The following UNC13C variants were observed in gnomAD, a reference collection of about 807,000 sequenced individuals.
UNC13C encodes protein unc-13 homolog C.
A neutral mutation model predicts 245.4 loss-of-function variants in UNC13C; 174 were observed. That is an observed-to-expected ratio of 0.71 (90% confidence interval 0.63 to 0.80). The LOEUF is 0.80. UNC13C is among the 30% of genes least tolerant of loss of function. The pLI is 0.00. For missense variants in UNC13C, 2,829 were observed against 2,602.9 expected, an observed-to-expected ratio of 1.09 and a Z score of -1.89; for synonymous variants, 992 against 895.1, an observed-to-expected ratio of 1.11 and a Z score of -1.93.
chr15:54,100,355 T>C (rs138876087), intron 2 of UNC13C, among the ~76,000 whole-genome samples: 1 of 152,324 alleles, frequency 6.6e-6, no homozygotes, highest in Non-Finnish European at 1.5e-5. Flanking sequence ...TACTCTCTGC[T>C]TATTGACATG....
intron 17 of UNC13C, among the ~76,000 whole-genome samples, chr15:54,368,076 A>C (rs746562065): frequency 6.6e-6 from 1 of 152,118 alleles, no homozygotes; most frequent in Middle Eastern, 3.4e-3. Context: ...TTGACCCTTA[A>C]ATTTTGCACT....
intron 30 of UNC13C, among the ~76,000 whole-genome samples, chr15:54,611,240 A>C (rs1313484497): frequency 2.0e-5 from 3 of 152,148 alleles, no homozygotes; most frequent in Non-Finnish European, 4.4e-5. Flanking sequence ...ATAAGAGGTA[A>C]ATTTGTTTAC....
At chr15:54,341,135 A>G (rs989175652) in intron 17 of UNC13C, among the ~76,000 whole-genome samples, 11 of 152,212 alleles carry the variant, frequency 7.2e-5, no homozygotes, top group Admixed American at 2.0e-4. Context: ...CAGTTTTTCT[A>G]CTAAAAAGAT....
At chr15:54,072,497 A>G (rs186307425) in intron 2 of UNC13C, among the ~76,000 whole-genome samples, 52 of 152,318 alleles carry the variant, frequency 3.4e-4, no homozygotes, top group African/African-American at 1.3e-3. Flanking sequence ...AATTGCGCAC[A>G]TCACCCAAAG....
At chr15:54,295,073 T>C (rs2037393885) in intron 11 of UNC13C, among the ~76,000 whole-genome samples, 1 of 152,122 alleles carries the variant, frequency 6.6e-6, no homozygotes, top group South Asian at 2.1e-4. Context: ...TAAAGAAGAT[T>C]TGTACTCTTA....
At chr15:54,169,066 A>G (rs1374431348) in intron 4 of UNC13C, among the ~76,000 whole-genome samples, 1 of 152,218 alleles carries the variant, frequency 6.6e-6, no homozygotes, top group East Asian at 1.9e-4. Context: ...GATAGGCTAA[A>G]TGGCAAGGAA....
At chr15:53,912,936 C>A in the UNC13C span, 1 of 152,198 alleles carries the variant, frequency 6.6e-6, no homozygotes, top group East Asian at 1.9e-4. Context: ...GACCTTCCAT[C>A]ATAGACTTGA....
At chr15:54,570,559 G>A (rs1183482348) in intron 30 of UNC13C, among the ~76,000 whole-genome samples, 1 of 152,138 alleles carries the variant, frequency 6.6e-6, no homozygotes, top group Non-Finnish European at 1.5e-5. Flanking sequence ...AGTCTTCTCA[G>A]TTAGTGAATC....
At chr15:54,471,565 T>A (rs1892463027) in intron 19 of UNC13C, among the ~76,000 whole-genome samples, 1 of 151,636 alleles carries the variant, frequency 6.6e-6, no homozygotes, top group Admixed American at 6.6e-5. Flanking sequence ...TTCCTTCACT[T>A]TCAGTCTATG....
At chr15:54,423,741 G>T (rs1291138076) in intron 19 of UNC13C, among the ~76,000 whole-genome samples, 1 of 151,782 alleles carries the variant, frequency 6.6e-6, no homozygotes, top group African/African-American at 2.4e-5. Flanking sequence ...TTTTGCATAT[G>T]TCATTATCAT....
At chr15:53,904,038 A>C in the UNC13C span, among the ~76,000 whole-genome samples, 20 of 152,184 alleles carry the variant, frequency 1.3e-4, no homozygotes, top group Admixed American at 5.9e-4. Context: ...AATATCACAC[A>C]CACCTAATAA....
In UNC13C at chr15:54,124,392, A is replaced by G. The variant is rs536625238; in HGVS notation, c.2984-18626A>G. ...TTTTATTTGCATTTTCTAAATAGCT[A>G]CTAATATTGATTATCCTTTCATAAG... On this transcript the variant is annotated intron_variant, in intron 2 of 32. Transcript: ENST00000260323. Among the ~76,000 whole-genome samples the G allele has an allele frequency of 3.3e-5, 5 of 152,358 alleles. No individual in the cohort carries two copies. In the East Asian group the frequency reaches 7.7e-4, roughly 24 times the overall value.
intron 2 of UNC13C, chr15:54,049,053 T>C (rs1897162471): frequency 7.8e-6 from 3 of 386,324 alleles, no homozygotes; most frequent in Non-Finnish European, 1.0e-5. Flanking sequence ...GATATAGATA[T>C]CTCTATTTTT....
intron 17 of UNC13C, among the ~76,000 whole-genome samples, chr15:54,361,984 A>G (rs1046571557): frequency 2.1e-5 from 3 of 145,546 alleles, no homozygotes; most frequent in Admixed American, 7.0e-5. Flanking sequence ...AGGACAGAAG[A>G]AAGATTCACA....
chr15:54,244,553 A>G (rs949607328), intron 7 of UNC13C, among the ~76,000 whole-genome samples: 117 of 152,290 alleles, frequency 7.7e-4, no homozygotes, highest in African/African-American at 2.6e-3. Context: ...TCTATAAATT[A>G]CTTTGGGCAG....
At chr15:54,239,498 T>C (rs1357871724) in intron 7 of UNC13C, among the ~76,000 whole-genome samples, 2 of 152,248 alleles carry the variant, frequency 1.3e-5, no homozygotes, top group Admixed American at 6.5e-5. Flanking sequence ...TCATCCAAGC[T>C]GGAGTGCAGT....
At chr15:54,486,580 C>T (rs1358634355) in intron 19 of UNC13C, among the ~76,000 whole-genome samples, 2 of 152,084 alleles carry the variant, frequency 1.3e-5, no homozygotes, top group Non-Finnish European at 2.9e-5. Flanking sequence ...CACAGATATA[C>T]TTTGTACTAT....
intron 2 of UNC13C, among the ~76,000 whole-genome samples, chr15:54,059,743 A>G (rs1897717941): frequency 6.6e-6 from 1 of 152,236 alleles, no homozygotes; most frequent in South Asian, 2.1e-4. Context: ...TAATCAAAAC[A>G]GCATGGTACT....
chr15:54,470,235 T>G (rs1892388633), intron 19 of UNC13C, among the ~76,000 whole-genome samples: 1 of 151,608 alleles, frequency 6.6e-6, no homozygotes. Flanking sequence ...TGTCTGGCTT[T>G]GGTATCAGTT....
Sources: allele counts gnomAD v4.1 joint callset (sites outside exome capture counted in the v4.1 genomes callset), GRCh38; gene constraint gnomAD v4.1.1; transcripts MANE v1.5; gene names NCBI Gene and HGNC (gene_info 2026-07-23, HGNC 2026-07-21).